The following GNAO1 variants were observed in gnomAD, a reference collection of about 807,000 sequenced individuals.
The protein encoded by GNAO1 is guanine nucleotide-binding protein G(o) subunit alpha.
For synonymous variants in GNAO1, 164 were observed against 180.7 expected, an observed-to-expected ratio of 0.91 and a Z score of 0.74; for missense variants, 166 against 478.7, an observed-to-expected ratio of 0.35 and a Z score of 6.10.
intron 3 of GNAO1, among the ~76,000 whole-genome samples, chr16:56,281,373 C>T (rs765355670): frequency 1.3e-5 from 2 of 152,166 alleles, no homozygotes; most frequent in Non-Finnish European, 2.9e-5. Flanking sequence ...ACCCCACTCC[C>T]TTGAGCTGCC....
chr16:56,209,460 A>G (rs2143326906), intron 2 of GNAO1, among the ~76,000 whole-genome samples: 1 of 152,234 alleles, frequency 6.6e-6, no homozygotes, highest in East Asian at 1.9e-4. Context: ...CTTGCATGTA[A>G]ATGTTAGAAT....
rs572578491 is a variant in GNAO1 at position 56,227,867 on chromosome 16, T to A, written c.161+35251T>A. On this transcript the variant is annotated intron_variant, in intron 2 of 8. Coordinates refer to ENST00000262493, the MANE Select transcript of GNAO1 (RefSeq NM_020988.3). ...TTCTGCCTTTTGGCCTTCTTGCTGG[T>A]GATATGTTCAATTTAATGGTGTTCT... 3.3e-5 allele frequency among the ~76,000 whole-genome samples: 5 copies of A among 151,966 alleles called. No individual in the cohort carries two copies. The South Asian group carries it at 8.4e-4, about 25-fold the overall frequency.
Position 56,232,477 on chromosome 16 carries a change from T to A in GNAO1, c.161+39861T>A, listed in dbSNP as rs757457357. Among the ~76,000 whole-genome samples, 142 of 152,172 alleles carry A rather than the reference T, an allele frequency of 9.3e-4. 1 individual carries two copies. The highest frequency in any genetic ancestry group is 5.6e-4 in the Non-Finnish European group (38 of 68,026). ...AGAAAATGCTGCCTGCTACAAAAAC[T>A]CTTGGAGAGACACAATGGACTTTAG... On this transcript the variant is annotated intron_variant, in intron 2 of 8. Coordinates refer to ENST00000262493, the MANE Select transcript of GNAO1 (RefSeq NM_020988.3).
chr16:56,318,666 A>G (rs1323224944), intron 3 of GNAO1, among the ~76,000 whole-genome samples: 3 of 152,216 alleles, frequency 2.0e-5, no homozygotes, highest in African/African-American at 7.2e-5. Flanking sequence ...GCTCTGAATG[A>G]TCCAAAGCAG....
intron 2 of GNAO1, among the ~76,000 whole-genome samples, chr16:56,262,276 A>T (rs574902860): frequency 2.6e-5 from 4 of 152,332 alleles, no homozygotes; most frequent in African/African-American, 9.6e-5. Flanking sequence ...CAAGGGAGCC[A>T]GGAGGAACCC....
chr16:56,253,429 C>T (rs745905706), intron 2 of GNAO1, among the ~76,000 whole-genome samples: 24 of 152,220 alleles, frequency 1.6e-4, no homozygotes, highest in Non-Finnish European at 3.1e-4. Flanking sequence ...AGAAGAGAAT[C>T]TTTATTCTTT....
At chr16:56,335,112 G>A (rs1462504804) in intron 5 of GNAO1, among the ~76,000 whole-genome samples, 1 of 152,178 alleles carries the variant, frequency 6.6e-6, no homozygotes, top group African/African-American at 2.4e-5. Flanking sequence ...GGACAAGGAG[G>A]GGCAGCCTGT....
intron 2 of GNAO1, among the ~76,000 whole-genome samples, chr16:56,223,941 G>A (rs1379440968): frequency 6.6e-6 from 1 of 152,236 alleles, no homozygotes; most frequent in South Asian, 2.1e-4. Flanking sequence ...ACCAGAAAGA[G>A]TAAATGACTT....
At chr16:56,204,133 A>G (rs769594282) in intron 2 of GNAO1, among the ~76,000 whole-genome samples, 4 of 152,112 alleles carry the variant, frequency 2.6e-5, no homozygotes, top group Non-Finnish European at 5.9e-5. Context: ...AGAAGGAGAG[A>G]GTATATCAGA....
At chr16:56,222,963 C>T (rs1282396382) in intron 2 of GNAO1, among the ~76,000 whole-genome samples, 1 of 152,188 alleles carries the variant, frequency 6.6e-6, no homozygotes, top group Non-Finnish European at 1.5e-5. Flanking sequence ...TATACAGAGA[C>T]CCTGGTGCTA....
Position 56,354,340 on chromosome 16 carries a change from T to C in GNAO1, c.878-526T>C, listed in dbSNP as rs1282944669. ...AGGCAAATGCTCAGCCTGTGTATGGTTGGTGCAAAAGTAATTGCAGTAATT... is the reference window on the plus strand; with the variant it reads ...AGGCAAATGCTCAGCCTGTGTATGGCTGGTGCAAAAGTAATTGCAGTAATT... On this transcript the variant is annotated intron_variant, in intron 7 of 8. Transcript: ENST00000262493. This position sits in a 1 kb window ranked among gnomAD's most constrained non-coding sequence, Gnocchi z 4.3. Among the ~76,000 whole-genome samples the C allele has an allele frequency of 7.0e-6, 1 of 143,228 alleles. No homozygotes were observed. Among genetic ancestry groups the C allele is most frequent in the Non-Finnish European group, 1.5e-5 (1 of 66,616 alleles). The allele number at this position is 143,228 out of a possible 152,430, so 94.0% of individuals were successfully genotyped here.
In GNAO1 at chr16:56,276,031, A is replaced by G. The variant is rs1555504233; in HGVS notation, c.262A>G (p.Met88Val). ...GTCCCTGGCAGCCATCGTCCGGGCC[A>G]TGGACACTTTGGGCATCGAATATGG... ...IQSLAAIVRA[M>V]DTLGIEYGDK... is the part of the protein sequence containing the mutation. Residue 88 changes from methionine to valine, a missense_variant, in exon 3 of 9, where the codon ATG becomes GTG. Coordinates refer to ENST00000262493, the MANE Select transcript of GNAO1 (RefSeq NM_020988.3). 2 of 1,614,094 alleles carry G rather than the reference A, an allele frequency of 1.2e-6. No individual in the cohort carries two copies. Among genetic ancestry groups the G allele is most frequent in the African/African-American group, 2.7e-5 (2 of 75,050 alleles).
chr16:56,303,143 G>A (rs1303066810), intron 3 of GNAO1, among the ~76,000 whole-genome samples: 7 of 152,188 alleles, frequency 4.6e-5, no homozygotes, highest in African/African-American at 9.7e-5. Context: ...TTGACTGCTC[G>A]TTCTGCCTGC....
chr16:56,256,146 G>C (rs2036844119), intron 2 of GNAO1, among the ~76,000 whole-genome samples: 1 of 152,182 alleles, frequency 6.6e-6, no homozygotes, highest in Non-Finnish European at 1.5e-5. Context: ...AGTGGCAGCA[G>C]TCCACAGCTG....
intron 2 of GNAO1, among the ~76,000 whole-genome samples, chr16:56,262,561 A>G (rs2036913536): frequency 6.6e-6 from 1 of 151,944 alleles, no homozygotes; most frequent in Non-Finnish European, 1.5e-5. Flanking sequence ...TTTTTTCCCC[A>G]AAGACTGAAC....
intron 2 of GNAO1, among the ~76,000 whole-genome samples, chr16:56,203,130 A>G (rs1223320521): frequency 6.6e-6 from 1 of 152,170 alleles, no homozygotes; most frequent in Non-Finnish European, 1.5e-5. Context: ...GCTCAGGATT[A>G]AGCTGGGAGG....
rs2037866556 is a variant in GNAO1 at position 56,346,160 on chromosome 16, T to C, written c.724-5224T>C. 6.1e-6 allele frequency: 6 copies of C among 985,418 alleles called. No homozygotes were observed. In the South Asian group the frequency reaches 2.8e-4, roughly 46 times the overall value. The allele number at this position is 985,418 out of a possible 1,614,324, so 61.0% of individuals were successfully genotyped here. A position where few individuals can be genotyped will look rare whatever the true frequency, so the allele number is the denominator to read the frequency against. On this transcript the variant is annotated intron_variant, in intron 6 of 8. Transcript: ENST00000262493. ...TCCCACCCTAGCCTGGGGGTGGTCCTTGGTCCTCAGGGGTATCCGGGGAGA... is the reference window on the plus strand; with the variant it reads ...TCCCACCCTAGCCTGGGGGTGGTCCCTGGTCCTCAGGGGTATCCGGGGAGA...
intron 2 of GNAO1, among the ~76,000 whole-genome samples, chr16:56,221,171 GCCTCAACGTTGGACT>G (rs2036482885): frequency 6.6e-6 from 1 of 152,160 alleles, no homozygotes; most frequent in Non-Finnish European, 1.5e-5. Flanking sequence ...GAATGCCAGT[GCCTCAACGTTGGACT>G]CCCCAACCTC....
intron 2 of GNAO1, among the ~76,000 whole-genome samples, chr16:56,239,988 T>A (rs886150125): frequency 4.6e-5 from 7 of 152,182 alleles, no homozygotes; most frequent in Non-Finnish European, 1.0e-4. Context: ...GGTCAGGCTT[T>A]TGAGTCAGAA....
Sources: allele counts gnomAD v4.1 joint callset (sites outside exome capture counted in the v4.1 genomes callset), GRCh38; gene constraint gnomAD v4.1.1; non-coding constraint Gnocchi (gnomAD v3.1); transcripts MANE v1.5; gene names NCBI Gene and HGNC (gene_info 2026-07-23, HGNC 2026-07-21).